Variants in CACNA1D observed in about 807,000 individuals in gnomAD.
CACNA1D encodes voltage-dependent L-type calcium channel subunit alpha-1D.
Under a neutral mutation model 257.1 loss-of-function variants are expected in CACNA1D, and 55 were observed. The observed-to-expected ratio is 0.21, with a 90% confidence interval of 0.17 to 0.27. CACNA1D has a LOEUF of 0.27. Among genes scored for constraint, CACNA1D ranks in the 10% least tolerant of loss-of-function variants. The pLI, the probability that CACNA1D is intolerant of heterozygous loss-of-function variation, is 1.00. For missense variants in CACNA1D, 1,876 were observed against 2,784.0 expected (o/e 0.67, Z 7.34); for synonymous variants, 980 against 1,014.9 (o/e 0.97, Z 0.65).
intron 3 of CACNA1D, among the ~76,000 whole-genome samples, chr3:53,577,560 A>G (rs1223693416): frequency 1.3e-5 from 2 of 152,008 alleles, no homozygotes; most frequent in South Asian, 2.1e-4. Context: ...CGGCCAAGGG[A>G]GGAGAGTTTT....
intron 3 of CACNA1D, among the ~76,000 whole-genome samples, chr3:53,593,258 A>T (rs1245331431): frequency 6.6e-6 from 1 of 152,208 alleles, no homozygotes; most frequent in Non-Finnish European, 1.5e-5. Flanking sequence ...ATCTAATTTT[A>T]TGAGACAGTG....
At chr3:53,804,946 T>C (rs1235286332) in intron 44 of CACNA1D, 37 bp from the exon 45 acceptor site, 2 of 1,602,782 alleles carry the variant, frequency 1.2e-6, no homozygotes, top group African/African-American at 2.7e-5. Context: ...CAGAGCTTGT[T>C]ACCTAGAACC....
chr3:53,657,224 G>A (rs900784583), intron 4 of CACNA1D, among the ~76,000 whole-genome samples: 1 of 151,852 alleles, frequency 6.6e-6, no homozygotes, highest in African/African-American at 2.4e-5. Context: ...ATGAACTGCT[G>A]ATAAAACAAC....
rs766885046 is a variant in CACNA1D at position 53,656,800 on chromosome 3, G to A, written c.624-3333G>A. 3.9e-5 allele frequency among the ~76,000 whole-genome samples: 6 copies of A among 152,260 alleles called. No individual in the cohort carries two copies. In the Middle Eastern group the frequency reaches 0.01, roughly 259 times the overall value. ...ATATGTGAATCATCAACAAACATCTGAAAAGATGCTCAACATTGTTAGTAA... is the reference window on the plus strand; with the variant it reads ...ATATGTGAATCATCAACAAACATCTAAAAAGATGCTCAACATTGTTAGTAA... On this transcript the variant is annotated intron_variant, in intron 4 of 47. Transcript: ENST00000350061.
intron 3 of CACNA1D, among the ~76,000 whole-genome samples, chr3:53,641,180 G>A (rs1280239461): frequency 1.3e-5 from 2 of 152,164 alleles, no homozygotes; most frequent in Non-Finnish European, 2.9e-5. Context: ...CATGACAGAC[G>A]TCAGTTGGTT....
At chr3:53,591,401 C>T (rs970098177) in intron 3 of CACNA1D, among the ~76,000 whole-genome samples, 3 of 152,064 alleles carry the variant, frequency 2.0e-5, no homozygotes, top group Admixed American at 2.0e-4. Flanking sequence ...TACAGGCATG[C>T]ACCACCACGC....
At chr3:53,696,944 CG>C (rs67751623) in intron 8 of CACNA1D, among the ~76,000 whole-genome samples, 81,634 of 151,346 alleles carry the variant, frequency 0.54, 22,950 homozygotes, top group East Asian at 0.71. Context: ...GGGTCTGCAG[CG>C]ACCTGGAGCA....
At chr3:53,753,801 A>T (rs1169391152) in intron 29 of CACNA1D, 119 bp downstream of exon 29, 5 of 721,996 alleles carry the variant, frequency 6.9e-6, no homozygotes, top group Admixed American at 2.0e-5. Context: ...TAACTGGGTT[A>T]CCACCTGAGA....
chr3:53,719,004 G>T (rs1354892703), intron 10 of CACNA1D, among the ~76,000 whole-genome samples: 1 of 149,724 alleles, frequency 6.7e-6, no homozygotes, highest in African/African-American at 2.5e-5. Flanking sequence ...TTTTCTAGAT[G>T]ATTTGGGCTG....
chr3:53,646,242 A>G (rs2094019005), intron 3 of CACNA1D, among the ~76,000 whole-genome samples: 1 of 152,218 alleles, frequency 6.6e-6, no homozygotes, highest in Non-Finnish European at 1.5e-5. Flanking sequence ...GAGATCCTTA[A>G]CCAAGAAGCT....
intron 10 of CACNA1D, 199 bp downstream of exon 10, chr3:53,718,587 C>T: frequency 2.6e-6 from 2 of 770,474 alleles, no homozygotes; most frequent in Non-Finnish European, 4.4e-6. Context: ...CCCCCGCCCC[C>T]CCGCCCCCCG....
rs569401400 is a variant in CACNA1D, at chr3:53,736,888, TA to T, written c.2751+1401del. On this transcript the variant is annotated intron_variant, in intron 20 of 47. Transcript: ENST00000350061. Reference sequence around the variant, plus strand: ...GGGTGACAGAGCAAGACCCTGTCTCTAAAAAAAAAAAAAAAACAAAAAGAAC... The same window carrying T: ...GGGTGACAGAGCAAGACCCTGTCTCTAAAAAAAAAAAAAAACAAAAAGAAC... Among the ~76,000 whole-genome samples the T allele has an allele frequency of 8.8e-3, 1,070 of 121,430 alleles. 11 individuals carry two copies. The highest frequency in any genetic ancestry group is 0.059 in the South Asian group (231 of 3,930). The allele number at this position is 121,430 out of a possible 152,430, so 79.7% of individuals were successfully genotyped here.
intron 21 of CACNA1D, among the ~76,000 whole-genome samples, chr3:53,741,555 T>C (rs1338542150): frequency 6.6e-6 from 1 of 152,170 alleles, no homozygotes; most frequent in Admixed American, 6.5e-5. Flanking sequence ...CTTCTAAAAA[T>C]GTGAGTTCAT....
intron 4 of CACNA1D, among the ~76,000 whole-genome samples, chr3:53,656,937 ACTCT>A (rs1319201842): frequency 1.3e-5 from 2 of 152,170 alleles, no homozygotes; most frequent in African/African-American, 2.4e-5. Context: ...AACAACTGGA[ACTCT>A]CATACACCAC....
intron 3 of CACNA1D, among the ~76,000 whole-genome samples, chr3:53,556,925 A>G (rs931980424): frequency 1.1e-4 from 17 of 152,176 alleles, no homozygotes; most frequent in East Asian, 1.9e-4. Flanking sequence ...CATGTTGGCC[A>G]AGCTGGTCTT....
intron 10 of CACNA1D, 80 bp from the exon 11 acceptor site, chr3:53,719,675 G>T: frequency 7.7e-7 from 1 of 1,297,572 alleles, no homozygotes; most frequent in South Asian, 1.2e-5. Flanking sequence ...TGGCTTTTAT[G>T]ATATCTCAGC....
At chr3:53,530,798 C>T (rs554534746) in intron 3 of CACNA1D, among the ~76,000 whole-genome samples, 7 of 152,176 alleles carry the variant, frequency 4.6e-5, no homozygotes, top group Middle Eastern at 3.4e-3. Context: ...CTAAAATGTT[C>T]CCCAGCATGA....
intron 3 of CACNA1D, among the ~76,000 whole-genome samples, chr3:53,608,051 T>G (rs988341519): frequency 2.6e-5 from 4 of 152,182 alleles, no homozygotes; most frequent in African/African-American, 9.7e-5. Flanking sequence ...CTGTTTAGAT[T>G]TTGATTGGGA....
At chr3:53,509,591 A>G (rs528402582) in intron 3 of CACNA1D, among the ~76,000 whole-genome samples, 17 of 152,254 alleles carry the variant, frequency 1.1e-4, no homozygotes, top group Admixed American at 1.1e-3. Context: ...GCTGGAGGGA[A>G]TCAGGGGCTG....
Sources: allele counts gnomAD v4.1 joint callset (sites outside exome capture counted in the v4.1 genomes callset), GRCh38; gene constraint gnomAD v4.1.1; transcripts MANE v1.5; gene names NCBI Gene and HGNC (gene_info 2026-07-23, HGNC 2026-07-21).